The following ACER3 variants were observed in gnomAD, a reference collection of about 807,000 sequenced individuals.
ACER3 encodes the protein alkCDase 3.
A neutral mutation model predicts 48.9 loss-of-function variants in ACER3; 16 were observed. The observed-to-expected ratio is 0.33, with a 90% confidence interval of 0.22 to 0.50. The LOEUF (loss-of-function observed/expected upper bound fraction) is 0.50, where lower values mean the gene tolerates loss of function less well. Ranked by LOEUF, ACER3 falls within the 20% of genes least tolerant of loss-of-function variation. The pLI is 0.98. For synonymous variants in ACER3, 109 were observed against 107.8 expected, an observed-to-expected ratio of 1.01 and a Z score of -0.07; for missense variants, 227 against 326.0, an observed-to-expected ratio of 0.70 and a Z score of 2.34.
At chr11:76,958,593 A>G (rs1217119457) in intron 2 of ACER3, among the ~76,000 whole-genome samples, 1 of 152,236 alleles carries the variant, frequency 6.6e-6, no homozygotes, top group Non-Finnish European at 1.5e-5. Context: ...AATGGCATCA[A>G]CAAGTTCAGG....
At chr11:76,946,084 A>G (rs1336873471) in intron 2 of ACER3, among the ~76,000 whole-genome samples, 1 of 152,180 alleles carries the variant, frequency 6.6e-6, no homozygotes, top group Non-Finnish European at 1.5e-5. Context: ...GGTGCGTAGC[A>G]TGGGCAAGTG....
intron 1 of ACER3, among the ~76,000 whole-genome samples, chr11:76,920,287 C>T (rs370627293): frequency 1.8e-4 from 27 of 152,280 alleles, no homozygotes; most frequent in South Asian, 1.0e-3. Flanking sequence ...CCTACCTCTC[C>T]GCTCTATGGG....
chr11:76,869,651 C>T (rs1349185489), intron 1 of ACER3, among the ~76,000 whole-genome samples: 4 of 138,656 alleles, frequency 2.9e-5, no homozygotes, highest in African/African-American at 1.1e-4. Context: ...GTTTTCTCCT[C>T]CTTCTAGTCA....
intron 1 of ACER3, among the ~76,000 whole-genome samples, chr11:76,869,124 A>T (rs1945176224): frequency 6.6e-6 from 1 of 152,240 alleles, no homozygotes. Flanking sequence ...AGTTCTGGGG[A>T]CTGAGCCCTC....
chr11:76,945,581 A>G (rs1413621891), intron 2 of ACER3, among the ~76,000 whole-genome samples: 1 of 152,118 alleles, frequency 6.6e-6, no homozygotes, highest in East Asian at 1.9e-4. Context: ...GCCAGTATTC[A>G]TACCCCACTG....
At chr11:76,891,819 A>T (rs1000001432) in intron 1 of ACER3, among the ~76,000 whole-genome samples, 6 of 152,122 alleles carry the variant, frequency 3.9e-5, no homozygotes, top group Admixed American at 3.9e-4. Context: ...CTTCTGTGCT[A>T]ATGATAGTTG....
chr11:76,929,721 G>A (rs559533131), intron 2 of ACER3, among the ~76,000 whole-genome samples: 2 of 152,346 alleles, frequency 1.3e-5, no homozygotes, highest in African/African-American at 2.4e-5. Context: ...CATCTATTGC[G>A]ATAACCATGT....
chr11:76,871,151 ACT>A (rs1233925931), intron 1 of ACER3, among the ~76,000 whole-genome samples: 3 of 152,072 alleles, frequency 2.0e-5, no homozygotes, highest in Middle Eastern at 3.4e-3. Context: ...GTGCATTCTT[ACT>A]CTCTCTCTTC....
At chr11:76,920,704 A>G (rs1326564090) in intron 1 of ACER3, among the ~76,000 whole-genome samples, 1 of 148,872 alleles carries the variant, frequency 6.7e-6, no homozygotes, top group African/African-American at 2.5e-5. Context: ...TGGTGTGATC[A>G]TGGCTCACTG....
At chr11:77,012,436 A>G (rs1949287579) in intron 7 of ACER3, among the ~76,000 whole-genome samples, 1 of 151,070 alleles carries the variant, frequency 6.6e-6, no homozygotes, top group South Asian at 2.1e-4. Flanking sequence ...AAAAAAAAAA[A>G]AAAAAGCTGT....
chr11:76,900,844 A>G (rs746884270), intron 1 of ACER3, among the ~76,000 whole-genome samples: 20 of 152,104 alleles, frequency 1.3e-4, no homozygotes, highest in Non-Finnish European at 2.5e-4. Flanking sequence ...TAATTTCTCC[A>G]AGGTTCATAT....
intron 1 of ACER3, among the ~76,000 whole-genome samples, chr11:76,884,736 G>A (rs1299800067): frequency 6.6e-6 from 1 of 151,966 alleles, no homozygotes; most frequent in African/African-American, 2.4e-5. Context: ...TGTCTTCCAG[G>A]TGAATTGGAT....
At chr11:76,950,638 T>C (rs1565195155) in intron 2 of ACER3, among the ~76,000 whole-genome samples, 1 of 151,272 alleles carries the variant, frequency 6.6e-6, no homozygotes, top group African/African-American at 2.4e-5. Flanking sequence ...ATTTTTTACA[T>C]TTTTTGTAGA....
intron 1 of ACER3, among the ~76,000 whole-genome samples, chr11:76,920,524 A>G (rs1320949729): frequency 2.0e-5 from 3 of 150,828 alleles, no homozygotes; most frequent in African/African-American, 7.3e-5. Flanking sequence ...ATATTCCTTT[A>G]TTCTGTAGAG....
chr11:76,876,682 C>T (rs1309371704), intron 1 of ACER3, among the ~76,000 whole-genome samples: 1 of 152,220 alleles, frequency 6.6e-6, no homozygotes, highest in Non-Finnish European at 1.5e-5. Flanking sequence ...ATTTGATCCA[C>T]ATCCTTGTCA....
chr11:76,965,361 G>A (rs1459868648), intron 3 of ACER3, among the ~76,000 whole-genome samples: 1 of 151,382 alleles, frequency 6.6e-6, no homozygotes, highest in Non-Finnish European at 1.5e-5. Context: ...CAGGGAGAAT[G>A]GAACCAAGTT....
At chr11:76,957,277 GA>G (rs200579381) in intron 2 of ACER3, among the ~76,000 whole-genome samples, 7 of 151,334 alleles carry the variant, frequency 4.6e-5, no homozygotes, top group Admixed American at 1.3e-4. Context: ...AACTGAATCA[GA>G]AAAAAAAGCT....
intron 3 of ACER3, among the ~76,000 whole-genome samples, chr11:76,963,987 C>T (rs1200108775): frequency 6.6e-6 from 1 of 151,348 alleles, no homozygotes; most frequent in Non-Finnish European, 1.5e-5. Flanking sequence ...GGGTGCAGTG[C>T]ATGTGCGTGA....
At chr11:77,009,855 G>A (rs1324805958) in intron 7 of ACER3, among the ~76,000 whole-genome samples, 1 of 151,692 alleles carries the variant, frequency 6.6e-6, no homozygotes, top group Non-Finnish European at 1.5e-5. Flanking sequence ...TAAACTTCAA[G>A]GCATTTGAAG....
Sources: gnomAD v4.1 joint callset for allele counts (sites outside exome capture counted in the v4.1 genomes callset) on GRCh38, gnomAD v4.1.1 for gene constraint, MANE v1.5 for transcripts, NCBI Gene and HGNC (gene_info 2026-07-23, HGNC 2026-07-21) for gene names.